Variants in IMMP1L observed in about 807,000 individuals in gnomAD.
IMMP1L encodes the protein mitochondrial inner membrane protease subunit 1.
Under a neutral mutation model 21.8 loss-of-function variants are expected in IMMP1L, and 24 were observed. The observed-to-expected ratio is 1.10, with a 90% CI of 0.80 to 1.55. The LOEUF (loss-of-function observed/expected upper bound fraction) is 1.55. Among genes scored for constraint, IMMP1L ranks in the 40% most tolerant of loss-of-function variants. IMMP1L has a pLI of 0.00. For synonymous variants in IMMP1L, 46 were observed against 62.8 expected (o/e 0.73, Z 1.26); for missense variants, 195 against 200.7 (o/e 0.97, Z 0.17).
At chr11:31,494,487 A>C (rs1316564847) in intron 1 of IMMP1L, among the ~76,000 whole-genome samples, 1 of 152,180 alleles carries the variant, frequency 6.6e-6, no homozygotes, top group African/African-American at 2.4e-5. Context: ...CTGTGATGAA[A>C]GGGCTGCCGT....
At chr11:31,488,332 T>C (rs887079875) in intron 1 of IMMP1L, 2 of 152,150 alleles carry the variant, frequency 1.3e-5, no homozygotes, top group African/African-American at 2.4e-5. Flanking sequence ...TGAATGACAG[T>C]TGTAACGGTG....
chr11:31,474,097 A>C (rs1328183211), intron 1 of IMMP1L, among the ~76,000 whole-genome samples: 1 of 152,192 alleles, frequency 6.6e-6, no homozygotes. Flanking sequence ...GTTTTGCCAC[A>C]TTTACCTTCA....
At chr11:31,467,038 T>A (rs1304090197) in intron 1 of IMMP1L, among the ~76,000 whole-genome samples, 7 of 152,150 alleles carry the variant, frequency 4.6e-5, no homozygotes, top group African/African-American at 1.7e-4. Flanking sequence ...ATACAATTAT[T>A]ACATACCAAC....
chr11:31,451,297 G>A (rs937402571), intron 4 of IMMP1L, among the ~76,000 whole-genome samples: 2 of 152,112 alleles, frequency 1.3e-5, no homozygotes, highest in Non-Finnish European at 2.9e-5. Flanking sequence ...GCGGTGTGGA[G>A]AGTATAATGG....
Position 31,460,081 on chromosome 11 carries a change from C to A in IMMP1L, c.194+545G>T, listed in dbSNP as rs1390833916. Among the ~76,000 whole-genome samples the A allele has an allele frequency of 1.6e-4, 25 of 152,032 alleles. No homozygotes were observed. The East Asian group carries it at 4.7e-3, about 29-fold the overall frequency. On this transcript the variant is annotated intron_variant, in intron 3 of 5. Coordinates refer to ENST00000532287, the MANE Select transcript of IMMP1L (RefSeq NM_001304274.2). ...ACTAAGGGGAAGGATCACTGGAGCCCAGGAGGTTGAGGCTGCAGGGAGCTG... is the reference window on the plus strand; with the variant it reads ...ACTAAGGGGAAGGATCACTGGAGCCAAGGAGGTTGAGGCTGCAGGGAGCTG...
At chr11:31,483,897 A>T (rs537677069) in intron 1 of IMMP1L, among the ~76,000 whole-genome samples, 1 of 151,886 alleles carries the variant, frequency 6.6e-6, no homozygotes, top group Non-Finnish European at 1.5e-5. Context: ...CATATCTCCC[A>T]ATTAAATATT....
chr11:31,509,512 T>C lies in IMMP1L; in HGVS notation c.-30+7A>G, dbSNP rs1955927271. ...AAAGGAGAAGAACGTTACGTGATATTACCTACCTCGGGCCCCAAAGAACCC... is the reference window on the plus strand; with the variant it reads ...AAAGGAGAAGAACGTTACGTGATATCACCTACCTCGGGCCCCAAAGAACCC... On this transcript the variant is annotated splice_region_variant and intron_variant, in intron 1 of 5. Transcript: ENST00000532287. 2 of 528,466 alleles carry C rather than the reference T, an allele frequency of 3.8e-6. No homozygotes were observed. Among genetic ancestry groups the C allele is most frequent in the Non-Finnish European group, 6.8e-6 (2 of 292,236 alleles). The allele number at this position is 528,466 out of a possible 1,614,324, so 32.7% of individuals were successfully genotyped here.
Position 31,496,116 on chromosome 11 carries a change from C to CAA in IMMP1L, c.-30+13401_-30+13402dup, listed in dbSNP as rs202164021. Among the ~76,000 whole-genome samples the CAA allele has an allele frequency of 1.1e-4, 10 of 88,564 alleles. No homozygotes were observed. In the South Asian group the frequency reaches 1.3e-3, roughly 12 times the overall value. The allele number at this position is 88,564 out of a possible 152,430, so 58.1% of individuals were successfully genotyped here. On this transcript the variant is annotated intron_variant, in intron 1 of 5. Transcript: ENST00000532287. ...AGAACTCCTATAACTCAAAAACCCG[C>CAA]AAAAAAAAAAAAAACAAAGCCATTA...
intron 1 of IMMP1L, among the ~76,000 whole-genome samples, chr11:31,502,690 T>A (rs1366262565): frequency 6.6e-6 from 1 of 152,208 alleles, no homozygotes; most frequent in Non-Finnish European, 1.5e-5. Context: ...CACAGTAGCT[T>A]TATGTCTATG....
intron 4 of IMMP1L, among the ~76,000 whole-genome samples, chr11:31,438,069 G>C (rs1953186188): frequency 6.6e-6 from 1 of 152,088 alleles, no homozygotes. Context: ...TTTCTTTTCA[G>C]TAAGTATCTA....
At chr11:31,473,150 C>T (rs1039781271) in intron 1 of IMMP1L, among the ~76,000 whole-genome samples, 24 of 152,152 alleles carry the variant, frequency 1.6e-4, no homozygotes, top group Non-Finnish European at 2.8e-4. Context: ...CCCGGGTTCA[C>T]GCCATTCTCC....
chr11:31,475,462 TG>T (rs1413373788), intron 1 of IMMP1L, among the ~76,000 whole-genome samples: 27 of 152,176 alleles, frequency 1.8e-4, no homozygotes. Flanking sequence ...CTCCAACTCC[TG>T]GGCTCAAAGA....
intron 1 of IMMP1L, among the ~76,000 whole-genome samples, chr11:31,478,078 T>C (rs1954781404): frequency 6.6e-6 from 1 of 152,206 alleles, no homozygotes; most frequent in South Asian, 2.1e-4. Flanking sequence ...GATATGACTA[T>C]ATTCTGACCC....
chr11:31,500,930 G>T (rs1191892474), intron 1 of IMMP1L, among the ~76,000 whole-genome samples: 1 of 152,152 alleles, frequency 6.6e-6, no homozygotes, highest in African/African-American at 2.4e-5. Context: ...ATAGAAAAAG[G>T]TTGCCAAAGC....
chr11:31,492,692 ATT>A (rs1565009067), intron 1 of IMMP1L, among the ~76,000 whole-genome samples: 1 of 152,218 alleles, frequency 6.6e-6, no homozygotes, highest in African/African-American at 2.4e-5. Flanking sequence ...TAATTTCAAT[ATT>A]GTTATGTCTC....
At chr11:31,443,178 C>A (rs545453257) in intron 4 of IMMP1L, among the ~76,000 whole-genome samples, 1 of 152,012 alleles carries the variant, frequency 6.6e-6, no homozygotes, top group African/African-American at 2.4e-5. Flanking sequence ...ATCCTATGCA[C>A]ACTATTAGAG....
At position 31,458,098 on chromosome 11, in the gene IMMP1L, A is replaced by G. The variant is rs550993268; in HGVS notation, c.195-1712T>C. 3.9e-5 allele frequency among the ~76,000 whole-genome samples: 6 copies of G among 152,206 alleles called. No homozygotes were observed. The East Asian group carries it at 1.2e-3, about 29-fold the overall frequency. On this transcript the variant is annotated intron_variant, in intron 3 of 5. Transcript: ENST00000532287. ...GTTCTTTGATCAAATAATCAATATG[A>G]CCCTTAAAACAAACTTTGCACTCGA...
chr11:31,445,751 G>C (rs1953496073), intron 4 of IMMP1L, among the ~76,000 whole-genome samples: 1 of 149,678 alleles, frequency 6.7e-6, no homozygotes, highest in Admixed American at 6.7e-5. Context: ...TTGAGACAGA[G>C]TCTCACTCTA....
chr11:31,471,276 T>C (rs1214365309), intron 1 of IMMP1L, among the ~76,000 whole-genome samples: 1 of 152,146 alleles, frequency 6.6e-6, no homozygotes, highest in Non-Finnish European at 1.5e-5. Context: ...GAGAAACCTG[T>C]TTGGATAAGG....
Sources: allele counts gnomAD v4.1 joint callset (sites outside exome capture counted in the v4.1 genomes callset), GRCh38; gene constraint gnomAD v4.1.1; transcripts MANE v1.5; gene names NCBI Gene and HGNC (gene_info 2026-07-23, HGNC 2026-07-21).